The following ITGA9 variants were observed in gnomAD, a reference collection of about 807,000 sequenced individuals.
ITGA9 encodes integrin subunit alpha 9.
ITGA9 carries 56 observed loss-of-function variants against 127.8 expected under a neutral mutation model. The observed-to-expected ratio is 0.44, with a 90% CI of 0.35 to 0.55. The LOEUF (loss-of-function observed/expected upper bound fraction) is 0.55. Among genes scored for constraint, ITGA9 ranks in the 20% least tolerant of loss-of-function variants. The pLI, the probability that ITGA9 is intolerant of heterozygous loss-of-function variation, is 0.00. For synonymous variants in ITGA9, 508 were observed against 514.5 expected (o/e 0.99, Z 0.17); for missense variants, 1,196 against 1,347.1 (o/e 0.89, Z 1.76).
intron 16 of ITGA9, among the ~76,000 whole-genome samples, chr3:37,631,207 A>G (rs1700227523): frequency 6.6e-6 from 1 of 152,076 alleles, no homozygotes. Flanking sequence ...CTCTGTGCTT[A>G]TTTGTTTCTG....
chr3:37,732,920 G>A, intron 19 of ITGA9, 122 bp downstream of exon 19: 1 of 759,980 alleles, frequency 1.3e-6, no homozygotes, highest in African/African-American at 1.7e-5. Context: ...TAGCAGCTGG[G>A]GCGGCCACTG....
At chr3:37,748,505 T>A in intron 22 of ITGA9, 1 of 511,030 alleles carries the variant, frequency 2.0e-6, no homozygotes, top group Non-Finnish European at 3.6e-6. Context: ...CCTAACACTT[T>A]GGGAGGCCGA....
chr3:37,469,714 AGTATT>A (rs1189691285), intron 1 of ITGA9, among the ~76,000 whole-genome samples: 1 of 151,740 alleles, frequency 6.6e-6, no homozygotes, highest in East Asian at 1.9e-4. Context: ...TCTTTTGTTC[AGTATT>A]GTATTTGTGC....
At chr3:37,499,148 G>A (rs898498184) in intron 5 of ITGA9, among the ~76,000 whole-genome samples, 2 of 152,348 alleles carry the variant, frequency 1.3e-5, no homozygotes, top group East Asian at 1.9e-4. Context: ...AGAATTTCCT[G>A]GGAGGTTTAT....
At chr3:37,720,414 G>A (rs568854505) in intron 18 of ITGA9, among the ~76,000 whole-genome samples, 59 of 152,118 alleles carry the variant, frequency 3.9e-4, no homozygotes, top group African/African-American at 9.2e-4. Context: ...TGAGTTTTCC[G>A]TCAGCCTATA....
In ITGA9 at chr3:37,806,133, A is replaced by T. The variant is rs1697293247; in HGVS notation, c.3009+2191A>T. 2 of 152,186 alleles carry T rather than the reference A, an allele frequency of 1.3e-5. No homozygotes were observed. The highest frequency in any genetic ancestry group is 2.9e-5 in the Non-Finnish European group (2 of 68,036). The allele number at this position is 152,186 out of a possible 1,614,324, so 9.4% of individuals were successfully genotyped here. On this transcript the variant is annotated intron_variant, in intron 27 of 27. Coordinates refer to ENST00000264741, the MANE Select transcript of ITGA9 (RefSeq NM_002207.3). This position sits in a 1 kb window ranked among gnomAD's most constrained non-coding sequence, Gnocchi z 4.3. ...TTATTTAATCCACATCGCCAGATAG[A>T]TTCTTAATTCTCCTTTTTCTCCAAC...
chr3:37,521,687 C>G (rs2125581618), intron 11 of ITGA9, among the ~76,000 whole-genome samples: 1 of 152,348 alleles, frequency 6.6e-6, no homozygotes, highest in Non-Finnish European at 1.5e-5. Flanking sequence ...TCGCTCTGCC[C>G]CTCGTCCCAG....
At chr3:37,506,259 G>C (rs1698842780) in intron 7 of ITGA9, among the ~76,000 whole-genome samples, 174 bp downstream of exon 7, 1 of 152,096 alleles carries the variant, frequency 6.6e-6, no homozygotes, top group Non-Finnish European at 1.5e-5. Flanking sequence ...TCCCTTGAAA[G>C]CTCAATTAGA....
intron 15 of ITGA9, among the ~76,000 whole-genome samples, chr3:37,596,276 C>CCCT (rs746847577): frequency 0.44 from 67,312 of 151,696 alleles, 15,441 homozygotes; most frequent in East Asian, 0.6. Flanking sequence ...AAGAGAAAGG[C>CCCT]TACAACTCAG....
chr3:37,611,783 G>C (rs1289003866), intron 15 of ITGA9, among the ~76,000 whole-genome samples: 2 of 152,042 alleles, frequency 1.3e-5, no homozygotes, highest in South Asian at 4.2e-4. Context: ...CCCTCTCAGG[G>C]CTCATGAAGT....
intron 15 of ITGA9, among the ~76,000 whole-genome samples, chr3:37,558,404 G>C (rs563853240): frequency 1.5e-3 from 230 of 152,268 alleles, no homozygotes; most frequent in Non-Finnish European, 2.2e-3. Context: ...GTTATTTCAT[G>C]CCTGCATTCG....
chr3:37,524,488 G>C (rs958650650), intron 12 of ITGA9, among the ~76,000 whole-genome samples: 1 of 152,188 alleles, frequency 6.6e-6, no homozygotes, highest in Admixed American at 6.5e-5. Flanking sequence ...GAGGAAGTAA[G>C]GGAATAGAAA....
At chr3:37,550,126 G>T (rs770918787) in intron 15 of ITGA9, among the ~76,000 whole-genome samples, 5 of 152,186 alleles carry the variant, frequency 3.3e-5, no homozygotes, top group Non-Finnish European at 5.9e-5. Flanking sequence ...CAACCTTACA[G>T]TTGACAAGTA....
intron 16 of ITGA9, among the ~76,000 whole-genome samples, chr3:37,639,043 C>T (rs1220115416): frequency 6.6e-6 from 1 of 152,114 alleles, no homozygotes; most frequent in East Asian, 1.9e-4. Context: ...GATTGGGATT[C>T]TGGGCGCTCT....
intron 18 of ITGA9, among the ~76,000 whole-genome samples, chr3:37,710,402 C>CT (rs1469367052): frequency 2.6e-5 from 3 of 116,548 alleles, no homozygotes; most frequent in South Asian, 3.4e-4. Context: ...AATAAATATC[C>CT]CCCCCCCACA....
chr3:37,760,633 C>T (rs7638209), intron 23 of ITGA9, among the ~76,000 whole-genome samples: 120 of 152,008 alleles, frequency 7.9e-4, no homozygotes, highest in African/African-American at 2.6e-3. Context: ...TTTGGGAAGA[C>T]ATTAGAGAAA....
intron 11 of ITGA9, among the ~76,000 whole-genome samples, chr3:37,523,175 TAA>T (rs1699061098): frequency 1.3e-5 from 2 of 152,194 alleles, no homozygotes; most frequent in South Asian, 4.1e-4. Flanking sequence ...TACACCTGTG[TAA>T]AAACAAACAG....
rs150623381 is a variant in ITGA9 at position 37,525,392 on chromosome 3, T to C, written c.1328-634T>C. 3.5e-3 allele frequency among the ~76,000 whole-genome samples: 532 copies of C among 152,278 alleles called. 5 individuals carry two copies. Among genetic ancestry groups the C allele is most frequent in the African/African-American group, 0.012 (509 of 41,548 alleles). Reference sequence around the variant, plus strand: ...ATTTTCTGATTTAAATGTAATGAAATATTATCAGCTTTTGAAGAAGGCCCT... The same window carrying C: ...ATTTTCTGATTTAAATGTAATGAAACATTATCAGCTTTTGAAGAAGGCCCT... On this transcript the variant is annotated intron_variant, in intron 12 of 27. Coordinates refer to ENST00000264741, the MANE Select transcript of ITGA9 (RefSeq NM_002207.3).
At chr3:37,589,171 A>C (rs187180125) in intron 15 of ITGA9, among the ~76,000 whole-genome samples, 1 of 152,348 alleles carries the variant, frequency 6.6e-6, no homozygotes, top group South Asian at 2.1e-4. Flanking sequence ...AGAAATCTTC[A>C]TACAGCACTT....
Sources: allele counts gnomAD v4.1 joint callset (sites outside exome capture counted in the v4.1 genomes callset), GRCh38; gene constraint gnomAD v4.1.1; non-coding constraint Gnocchi (gnomAD v3.1); transcripts MANE v1.5; gene names NCBI Gene and HGNC (gene_info 2026-07-23, HGNC 2026-07-21).